The following RSF1 variants were observed in gnomAD, a reference collection of about 807,000 sequenced individuals.
RSF1 encodes HBV pX-associated protein 8.
RSF1 carries 13 observed loss-of-function variants against 145.2 expected under a neutral mutation model. The observed-to-expected ratio is 0.09, with a 90% CI of 0.06 to 0.14. The LOEUF (loss-of-function observed/expected upper bound fraction) is 0.14. Among genes scored for constraint, RSF1 ranks in the 10% least tolerant of loss-of-function variants. RSF1 has a pLI of 1.00. For synonymous variants in RSF1, 577 were observed against 592.6 expected, an observed-to-expected ratio of 0.97 and a Z score of 0.38; for missense variants, 1,517 against 1,718.2, an observed-to-expected ratio of 0.88 and a Z score of 2.07.
chr11:77,755,691 T>G (rs1948108601), intron 2 of RSF1, among the ~76,000 whole-genome samples: 1 of 152,092 alleles, frequency 6.6e-6, no homozygotes, highest in African/African-American at 2.4e-5. Flanking sequence ...GCAATTCTTC[T>G]GCCTCAGCCT....
intron 2 of RSF1, among the ~76,000 whole-genome samples, chr11:77,752,102 C>T (rs915463379): frequency 3.3e-5 from 5 of 152,210 alleles, no homozygotes; most frequent in East Asian, 1.9e-4. Context: ...AGACAGACAG[C>T]GAGGGCAAAA....
intron 14 of RSF1, 96 bp from the exon 15 acceptor site, chr11:77,672,326 G>C: frequency 1.0e-6 from 1 of 966,762 alleles, no homozygotes; most frequent in African/African-American, 1.6e-5. Flanking sequence ...GCAGAGTTCA[G>C]TCATAAATAT....
the RSF1 span, among the ~76,000 whole-genome samples, chr11:77,863,042 A>G: frequency 6.6e-6 from 1 of 151,994 alleles, no homozygotes; most frequent in African/African-American, 2.4e-5. Flanking sequence ...CGCTTCTAAG[A>G]TGGTGGCAAG....
intron 1 of RSF1, among the ~76,000 whole-genome samples, chr11:77,768,228 T>C (rs1440038901): frequency 6.7e-6 from 1 of 150,068 alleles, no homozygotes; most frequent in African/African-American, 2.5e-5. Context: ...AGTGGTGTGA[T>C]CTTGGCTCAC....
chr11:77,845,359 G>A, the RSF1 span, among the ~76,000 whole-genome samples: 1 of 151,858 alleles, frequency 6.6e-6, no homozygotes, highest in Non-Finnish European at 1.5e-5. Flanking sequence ...ATTCTTATCT[G>A]CTGTTGAGCC....
chr11:77,673,871 T>G (rs1277482347), intron 14 of RSF1, among the ~76,000 whole-genome samples: 1 of 152,170 alleles, frequency 6.6e-6, no homozygotes, highest in African/African-American at 2.4e-5. Context: ...ACAACTAGTA[T>G]GTACTCTTTA....
At chr11:77,848,807 T>A in the RSF1 span, among the ~76,000 whole-genome samples, 1 of 151,534 alleles carries the variant, frequency 6.6e-6, no homozygotes, top group Non-Finnish European at 1.5e-5. Context: ...GTTATCCTCT[T>A]ATATCCACAA....
chr11:77,735,079 G>A, intron 4 of RSF1: 1 of 1,045,754 alleles, frequency 9.6e-7, no homozygotes, highest in Non-Finnish European at 1.4e-6. Flanking sequence ...TGGCGCTGGG[G>A]CGGCGGCAGG....
intron 1 of RSF1, among the ~76,000 whole-genome samples, chr11:77,802,237 AG>A (rs1344602084): frequency 6.6e-6 from 1 of 152,162 alleles, no homozygotes; most frequent in Admixed American, 6.5e-5. Flanking sequence ...GAACCTAAGA[AG>A]GAAGTTGTGA....
At chr11:77,832,110 A>G in the RSF1 span, 3 of 152,000 alleles carry the variant, frequency 2.0e-5, no homozygotes, top group Non-Finnish European at 4.4e-5. Context: ...TGACATACCT[A>G]TGATATCCAC....
chr11:77,695,423 T>C (rs904318141), intron 7 of RSF1, among the ~76,000 whole-genome samples: 2 of 152,156 alleles, frequency 1.3e-5, no homozygotes, highest in Admixed American at 6.6e-5. Flanking sequence ...CCCACATTTG[T>C]TTATTCAATT....
intron 1 of RSF1, among the ~76,000 whole-genome samples, chr11:77,781,164 G>A (rs1371505819): frequency 6.6e-6 from 1 of 151,840 alleles, no homozygotes; most frequent in Non-Finnish European, 1.5e-5. Flanking sequence ...GCAGTGGCTC[G>A]ATTTCGGCTC....
chr11:77,740,985 C>T (rs1170362762), intron 3 of RSF1, 49 bp from the exon 4 acceptor site: 1 of 1,339,052 alleles, frequency 7.5e-7, no homozygotes, highest in Non-Finnish European at 1.1e-6. Context: ...AATATTTCTC[C>T]ATCACAGTAA....
intron 4 of RSF1, among the ~76,000 whole-genome samples, chr11:77,730,268 G>A (rs562889813): frequency 1.1e-4 from 16 of 152,180 alleles, no homozygotes; most frequent in African/African-American, 3.6e-4. Flanking sequence ...ATATGGTTTA[G>A]AAATGCATTC....
chr11:77,767,758 T>C (rs1014738437), intron 1 of RSF1, among the ~76,000 whole-genome samples: 1 of 152,224 alleles, frequency 6.6e-6, no homozygotes, highest in African/African-American at 2.4e-5. Flanking sequence ...ATACTGTCTG[T>C]ATCACTCATT....
chr11:77,748,108 T>C (rs910937660), intron 2 of RSF1, among the ~76,000 whole-genome samples: 10 of 152,048 alleles, frequency 6.6e-5, no homozygotes, highest in African/African-American at 2.4e-4. Flanking sequence ...ACTAGTGTCA[T>C]AGTGTCATCT....
At chr11:77,755,681 G>A (rs1185108338) in intron 2 of RSF1, among the ~76,000 whole-genome samples, 3 of 151,920 alleles carry the variant, frequency 2.0e-5, no homozygotes, top group African/African-American at 7.3e-5. Flanking sequence ...CCAGGTTCAA[G>A]CAATTCTTCT....
intron 1 of RSF1, among the ~76,000 whole-genome samples, chr11:77,807,730 T>C (rs915205060): frequency 6.6e-6 from 1 of 152,232 alleles, no homozygotes; most frequent in African/African-American, 2.4e-5. Context: ...CCAGAGATTC[T>C]GATTTCAATG....
intron 1 of RSF1, among the ~76,000 whole-genome samples, chr11:77,768,255 C>T (rs1168072968): frequency 2.0e-5 from 3 of 150,142 alleles, no homozygotes; most frequent in Non-Finnish European, 3.0e-5. Flanking sequence ...CTCTGCCTCC[C>T]GGGTTCAAGC....
Sources: allele counts gnomAD v4.1 joint callset (sites outside exome capture counted in the v4.1 genomes callset), GRCh38; gene constraint gnomAD v4.1.1; transcripts MANE v1.5; gene names NCBI Gene and HGNC (gene_info 2026-07-23, HGNC 2026-07-21).